Variants in LINGO2 observed in about 807,000 individuals in gnomAD.
The protein encoded by LINGO2 is leucine-rich repeat and immunoglobulin-like domain-containing nogo receptor-interacting protein 2.
Under a neutral mutation model 30.6 loss-of-function variants are expected in LINGO2, and 14 were observed. That is an observed-to-expected ratio of 0.46 (90% CI 0.30 to 0.72). LINGO2 has a LOEUF of 0.72. LINGO2 is among the 30% of genes least tolerant of loss of function. LINGO2 has a pLI of 0.07. For synonymous variants in LINGO2, 317 were observed against 288.5 expected, an observed-to-expected ratio of 1.10 and a Z score of -1.00; for missense variants, 729 against 751.7, an observed-to-expected ratio of 0.97 and a Z score of 0.35.
chr9:28,848,514 G>A, the LINGO2 span, among the ~76,000 whole-genome samples: 1 of 146,662 alleles, frequency 6.8e-6, no homozygotes, highest in Non-Finnish European at 1.5e-5. Context: ...CAACCAAAAT[G>A]GACAATGTTA....
intron 5 of LINGO2, among the ~76,000 whole-genome samples, chr9:27,973,780 G>C (rs1820464686): frequency 6.6e-6 from 1 of 152,072 alleles, no homozygotes; most frequent in Non-Finnish European, 1.5e-5. Flanking sequence ...GTTACTTTAA[G>C]AATAATCAAA....
the LINGO2 span, among the ~76,000 whole-genome samples, chr9:29,079,326 C>A: frequency 6.6e-6 from 1 of 151,868 alleles, no homozygotes; most frequent in Non-Finnish European, 1.5e-5. Flanking sequence ...ATGAATCAAT[C>A]ACCTAATATC....
At chr9:28,802,768 T>A in the LINGO2 span, among the ~76,000 whole-genome samples, 1 of 152,046 alleles carries the variant, frequency 6.6e-6, no homozygotes, top group Middle Eastern at 3.2e-3. Context: ...TGGCAAAGGG[T>A]CAGAAGCAAG....
chr9:29,151,778 G>C, the LINGO2 span, among the ~76,000 whole-genome samples: 1 of 152,136 alleles, frequency 6.6e-6, no homozygotes, highest in African/African-American at 2.4e-5. Flanking sequence ...ATAAGATTTA[G>C]ACAGATATAC....
chr9:28,149,301 T>A (rs1168580415), intron 4 of LINGO2: 1 of 579,834 alleles, frequency 1.7e-6, no homozygotes, highest in East Asian at 3.0e-5. Context: ...CTGAGGAGCA[T>A]CTCTGCCTGC....
At chr9:28,008,850 T>G (rs1822402788) in intron 5 of LINGO2, among the ~76,000 whole-genome samples, 1 of 152,168 alleles carries the variant, frequency 6.6e-6, no homozygotes, top group African/African-American at 2.4e-5. Context: ...CAAAGTGATT[T>G]GCAGATTTAA....
rs951693820 is a variant in LINGO2 at position 28,539,138 on chromosome 9, A to G, written c.-364-63113T>C. 1.1e-4 allele frequency among the ~76,000 whole-genome samples: 17 copies of G among 152,224 alleles called. 1 individual carries two copies. The highest frequency in any genetic ancestry group is 4.1e-4 in the African/African-American group (17 of 41,572). ...GTTGAAATTAAAGATATAAAAGAAG[A>G]TATATTTGATAATACTAATGTAAAA... On this transcript the variant is annotated intron_variant, in intron 1 of 5. Transcript: ENST00000379992.
chr9:28,770,656 A>C, the LINGO2 span, among the ~76,000 whole-genome samples: 2 of 152,206 alleles, frequency 1.3e-5, no homozygotes, highest in South Asian at 4.1e-4. Flanking sequence ...TCAAATAAGA[A>C]AATTCTCTAT....
intron 1 of LINGO2, among the ~76,000 whole-genome samples, chr9:28,556,198 G>A (rs1228924764): frequency 6.6e-6 from 1 of 152,026 alleles, no homozygotes; most frequent in African/African-American, 2.4e-5. Flanking sequence ...AAAAGAGGAA[G>A]TCAAATTGTC....
the LINGO2 span, among the ~76,000 whole-genome samples, chr9:29,162,665 C>T: frequency 6.6e-6 from 1 of 151,948 alleles, no homozygotes; most frequent in Non-Finnish European, 1.5e-5. Flanking sequence ...AAAAAAGAAG[C>T]TAATGTATAA....
chr9:28,550,907 T>G (rs1822246306), intron 1 of LINGO2, among the ~76,000 whole-genome samples: 1 of 151,818 alleles, frequency 6.6e-6, no homozygotes, highest in South Asian at 2.1e-4. Context: ...TGGTGAAAAT[T>G]TAAATATGTA....
At chr9:29,042,627 C>T in the LINGO2 span, among the ~76,000 whole-genome samples, 2 of 151,802 alleles carry the variant, frequency 1.3e-5, no homozygotes, top group Non-Finnish European at 2.9e-5. Flanking sequence ...TAACTTTTAC[C>T]TTTAAAACGT....
chr9:28,377,133 C>T (rs1821160875), intron 2 of LINGO2, among the ~76,000 whole-genome samples: 1 of 152,090 alleles, frequency 6.6e-6, no homozygotes, highest in African/African-American at 2.4e-5. Flanking sequence ...TTGAATTGTG[C>T]AGATGCACTT....
At position 27,960,614 on chromosome 9, in the gene LINGO2, C is replaced by CTT. The variant is rs540319420; in HGVS notation, c.-35-9910_-35-9909dup. On this transcript the variant is annotated intron_variant, in intron 5 of 5. Transcript: ENST00000379992. ...CTTTCTTAAAGTTTTTGTGGTATAT[C>CTT]TTTTTTTTTTTTTTTTTTTTACTTG... Among the ~76,000 whole-genome samples, 184 of 122,294 alleles carry CTT rather than the reference C, an allele frequency of 1.5e-3. 1 individual carries two copies. The highest frequency in any genetic ancestry group is 4.5e-3 in the African/African-American group (161 of 36,160). 80.2% of individuals were successfully genotyped at this position (122,294 alleles called of 152,430 possible).
chr9:28,070,533 T>G (rs1428490450), intron 4 of LINGO2, among the ~76,000 whole-genome samples: 1 of 152,194 alleles, frequency 6.6e-6, no homozygotes, highest in Non-Finnish European at 1.5e-5. Context: ...TAGGGAGTGA[T>G]ACTGATATAA....
At chr9:28,881,963 A>C in the LINGO2 span, among the ~76,000 whole-genome samples, 1 of 152,198 alleles carries the variant, frequency 6.6e-6, no homozygotes, top group South Asian at 2.1e-4. Flanking sequence ...GTGGGTTTTG[A>C]GGCTTTAATA....
At chr9:29,121,243 T>A in the LINGO2 span, among the ~76,000 whole-genome samples, 1 of 152,168 alleles carries the variant, frequency 6.6e-6, no homozygotes, top group Non-Finnish European at 1.5e-5. Context: ...TGTGTTGCTC[T>A]GAAGTGAGCC....
intron 3 of LINGO2, among the ~76,000 whole-genome samples, chr9:28,342,561 T>C (rs1819387060): frequency 6.6e-6 from 1 of 152,040 alleles, no homozygotes; most frequent in Non-Finnish European, 1.5e-5. Flanking sequence ...TCTGGGTATC[T>C]CTTGGCTTGG....
intron 4 of LINGO2, among the ~76,000 whole-genome samples, chr9:28,293,081 T>G (rs1823794024): frequency 6.6e-6 from 1 of 151,808 alleles, no homozygotes; most frequent in Non-Finnish European, 1.5e-5. Context: ...TGGCCCTGAT[T>G]TTTTAAAAAT....
Sources: gnomAD v4.1 joint callset for allele counts (sites outside exome capture counted in the v4.1 genomes callset) on GRCh38, gnomAD v4.1.1 for gene constraint, MANE v1.5 for transcripts, NCBI Gene and HGNC (gene_info 2026-07-23, HGNC 2026-07-21) for gene names.